Variants in AFAP1 observed in about 807,000 individuals in gnomAD.
The protein encoded by AFAP1 is actin filament-associated protein 1.
AFAP1 carries 75 observed loss-of-function variants against 93.9 expected under a neutral mutation model. The observed-to-expected ratio is 0.80, with a 90% CI of 0.66 to 0.97. The LOEUF is 0.97. Ranked by LOEUF, AFAP1 falls within the 50% of genes least tolerant of loss-of-function variation. The probability of loss-of-function intolerance (pLI) is 0.00; values close to 1 mark genes in which losing one functional copy is unlikely to be tolerated. For missense variants in AFAP1, 1,201 were observed against 1,050.8 expected (o/e 1.14, Z -1.98); for synonymous variants, 517 against 430.7 (o/e 1.20, Z -2.48).
chr4:7,851,120 A>G (rs1037921750), intron 4 of AFAP1, among the ~76,000 whole-genome samples: 5 of 152,170 alleles, frequency 3.3e-5, no homozygotes, highest in South Asian at 2.1e-4. Context: ...GGGAGTTTGG[A>G]GCACGGCTAC....
chr4:7,901,739 G>A (rs909619559), intron 1 of AFAP1, among the ~76,000 whole-genome samples: 7 of 152,258 alleles, frequency 4.6e-5, no homozygotes, highest in Non-Finnish European at 8.8e-5. Flanking sequence ...CTGGATGCAT[G>A]AGAACATTCC....
rs71175435 is a variant in AFAP1, at chr4:7,874,530, ATTTTTTTTT to A, written c.-2-2459_-2-2451del. 2.5e-4 allele frequency among the ~76,000 whole-genome samples: 13 copies of A among 51,508 alleles called. No individual in the cohort carries two copies. The East Asian group carries it at 3.2e-3, about 13-fold the overall frequency. 33.8% of individuals were successfully genotyped at this position (51,508 alleles called of 152,430 possible). On this transcript the variant is annotated intron_variant, in intron 1 of 17. Coordinates refer to ENST00000420658, the MANE Select transcript of AFAP1 (RefSeq NM_001134647.2). ...AGGCACCTACCACCATGCCCAGCTA[ATTTTTTTTT>A]TTTTTTTTTTTTTTTTTTTTTTTTT...
chr4:7,768,899 C>A lies in AFAP1; in HGVS notation c.2363G>T (p.Ser788Ile), dbSNP rs1553820889. The part of the protein sequence containing the change: ...PVNSAAVLKK[S>I]QAAPGSSPCR... Reference sequence around the variant, plus strand: ...GGGGGAGCTGCCCGGGGCAGCCTGGCTCTTCTTCAAGACGGCCGCGCTGTT... The same window carrying A: ...GGGGGAGCTGCCCGGGGCAGCCTGGATCTTCTTCAAGACGGCCGCGCTGTT... Residue 788 changes from serine to isoleucine, a missense_variant, in exon 17 of 18, where the codon AGC becomes ATC. Coordinates refer to ENST00000420658, the MANE Select transcript of AFAP1 (RefSeq NM_001134647.2). 5 of 1,612,318 alleles carry A rather than the reference C, an allele frequency of 3.1e-6. No individual in the cohort carries two copies. Among genetic ancestry groups the A allele is most frequent in the Non-Finnish European group, 4.2e-6 (5 of 1,178,846 alleles).
chr4:7,766,022 C>A (rs1476209257), intron 17 of AFAP1, among the ~76,000 whole-genome samples: 2 of 152,224 alleles, frequency 1.3e-5, no homozygotes, highest in Admixed American at 6.5e-5. Context: ...GTACACTGCA[C>A]GTCTCCGCAT....
intron 1 of AFAP1, among the ~76,000 whole-genome samples, chr4:7,881,113 G>A (rs1717816352): frequency 6.6e-6 from 1 of 152,202 alleles, no homozygotes; most frequent in East Asian, 1.9e-4. Context: ...GAAACTCCCA[G>A]GACCTAGACC....
In AFAP1 at chr4:7,769,016, G is replaced by A. The variant is rs530791660; in HGVS notation, c.2254-8C>T. The stretch of plus-strand genomic sequence containing the variant: ...GTGCCGGAACACTGGAGACTTAACG[G>A]AGAGAGAGAACCCCATGTGATGAGC... On this transcript the variant is annotated splice_region_variant and splice_polypyrimidine_tract_variant and intron_variant, in intron 16 of 17. Coordinates refer to ENST00000420658, the MANE Select transcript of AFAP1 (RefSeq NM_001134647.2). 3.1e-6 allele frequency: 5 copies of A among 1,598,440 alleles called. No individual in the cohort carries two copies. The African/African-American group carries it at 5.4e-5, about 17-fold the overall frequency.
At chr4:7,833,511 G>A (rs1003932266) in intron 6 of AFAP1, among the ~76,000 whole-genome samples, 3 of 151,734 alleles carry the variant, frequency 2.0e-5, no homozygotes, top group South Asian at 2.1e-4. Context: ...GTGTGGATGC[G>A]GTGAACAGGG....
At chr4:7,857,005 G>A (rs547879794) in intron 3 of AFAP1, among the ~76,000 whole-genome samples, 1 of 152,294 alleles carries the variant, frequency 6.6e-6, no homozygotes, top group Non-Finnish European at 1.5e-5. Context: ...ACTGCCAGCT[G>A]GAGTTTTCAA....
intron 1 of AFAP1, among the ~76,000 whole-genome samples, chr4:7,883,185 C>CAAAAAAAAAA (rs34238719): frequency 4.0e-5 from 2 of 49,964 alleles, no homozygotes; most frequent in Non-Finnish European, 7.8e-5. Context: ...AACCCTATCT[C>CAAAAAAAAAA]AAAAAAAAAA....
rs145198054 is a variant in AFAP1 at position 7,933,690 on chromosome 4, A to T, written c.-3+5966T>A. Among the ~76,000 whole-genome samples, 663 of 152,306 alleles carry T rather than the reference A, an allele frequency of 4.4e-3. 2 individuals are homozygous for T. Among genetic ancestry groups the T allele is most frequent in the Non-Finnish European group, 7.2e-3 (490 of 68,024 alleles). ...GCCTAGCTAGTCCTGAGCTGATGGGACCACATGCAAAGACCAGATAGAGGC... is the reference window on the plus strand; with the variant it reads ...GCCTAGCTAGTCCTGAGCTGATGGGTCCACATGCAAAGACCAGATAGAGGC... On this transcript the variant is annotated intron_variant, in intron 1 of 17. Coordinates refer to ENST00000420658, the MANE Select transcript of AFAP1 (RefSeq NM_001134647.2).
intron 17 of AFAP1, among the ~76,000 whole-genome samples, chr4:7,765,777 T>G (rs1425525811): frequency 2.6e-5 from 4 of 152,210 alleles, no homozygotes; most frequent in Admixed American, 6.5e-5. Context: ...CCTCAGCCAC[T>G]GAGGGGCCTT....
At chr4:7,927,144 G>A (rs941384866) in intron 1 of AFAP1, among the ~76,000 whole-genome samples, 1 of 152,208 alleles carries the variant, frequency 6.6e-6, no homozygotes, top group Non-Finnish European at 1.5e-5. Flanking sequence ...GGTCCTACCA[G>A]GGTTTGGGAC....
At chr4:7,918,556 A>G (rs1327613994) in intron 1 of AFAP1, among the ~76,000 whole-genome samples, 48 of 83,606 alleles carry the variant, frequency 5.7e-4, no homozygotes, top group South Asian at 4.7e-4. Context: ...CAGGGCTGCC[A>G]GATGAGACAC....
rs368964867 is a variant in AFAP1, at chr4:7,843,122, G to A, written c.546+17C>T. Reference sequence around the variant, plus strand: ...CAGCAATCTTACAAAAAATGCAAGCGATTCCAAATGTCTTACCAGCAGTTT... The same window carrying A: ...CAGCAATCTTACAAAAAATGCAAGCAATTCCAAATGTCTTACCAGCAGTTT... On this transcript the variant is annotated intron_variant, in intron 5 of 17. Coordinates refer to ENST00000420658, the MANE Select transcript of AFAP1 (RefSeq NM_001134647.2). The A allele has an allele frequency of 6.9e-5, 111 of 1,610,496 alleles. No individual in the cohort carries two copies. The highest frequency in any genetic ancestry group is 4.5e-5 in the East Asian group (2 of 44,816).
chr4:7,911,830 A>G (rs542527687), intron 1 of AFAP1, among the ~76,000 whole-genome samples: 1 of 152,340 alleles, frequency 6.6e-6, no homozygotes, highest in South Asian at 2.1e-4. Context: ...TAAATCTTCT[A>G]AGAGAAAGCT....
rs73210893 is a variant in AFAP1, at chr4:7,908,900, C to T, written c.-3+30756G>A. 4.7e-3 allele frequency among the ~76,000 whole-genome samples: 702 copies of T among 147,934 alleles called. 2 individuals carry two copies. Among genetic ancestry groups the T allele is most frequent in the Non-Finnish European group, 6.1e-3 (406 of 67,024 alleles). ...GTCACCATAAAGGTGCACATAGCCA[C>T]GTGCTTAGTGTAGGAAGTGAAACCA... On this transcript the variant is annotated intron_variant, in intron 1 of 17. Transcript: ENST00000420658.
chr4:7,801,841 G>A (rs1719057858), intron 9 of AFAP1, among the ~76,000 whole-genome samples: 2 of 146,246 alleles, frequency 1.4e-5, no homozygotes, highest in South Asian at 2.2e-4. Context: ...AGCTACTTGG[G>A]AGGCCGGGGC....
chr4:7,918,640 G>A (rs112572435), intron 1 of AFAP1, among the ~76,000 whole-genome samples: 146 of 118,616 alleles, frequency 1.2e-3, no homozygotes, highest in East Asian at 2.4e-3. Flanking sequence ...CAGGGCTGCC[G>A]GATGAGACAC....
intron 11 of AFAP1, among the ~76,000 whole-genome samples, chr4:7,791,803 T>A (rs1717876960): frequency 6.8e-6 from 1 of 146,592 alleles, no homozygotes; most frequent in Admixed American, 6.9e-5. Flanking sequence ...CAATGAGTCA[T>A]AATTGTGCCA....
Sources: gnomAD v4.1 joint callset for allele counts (sites outside exome capture counted in the v4.1 genomes callset) on GRCh38, gnomAD v4.1.1 for gene constraint, MANE v1.5 for transcripts, NCBI Gene and HGNC (gene_info 2026-07-23, HGNC 2026-07-21) for gene names.